The following PLGRKT variants were observed in gnomAD, a reference collection of about 807,000 sequenced individuals.
The protein encoded by PLGRKT is plasminogen receptor with a C-terminal lysine.
Under a neutral mutation model 18.5 loss-of-function variants are expected in PLGRKT, and 22 were observed. The ratio of observed to expected loss-of-function variants is 1.19; its 90% CI spans 0.85 to 1.70. PLGRKT has a LOEUF of 1.70. Among genes scored for constraint, PLGRKT ranks in the 40% most tolerant of loss-of-function variants. The pLI is 0.00. For synonymous variants in PLGRKT, 72 were observed against 52.8 expected, an observed-to-expected ratio of 1.36 and a Z score of -1.58; for missense variants, 235 against 174.4, an observed-to-expected ratio of 1.35 and a Z score of -1.96.
At position 5,399,661 on chromosome 9, in the gene PLGRKT, G is replaced by A. The variant is rs528452609; in HGVS notation, c.81+32236C>T. Among the ~76,000 whole-genome samples, 3 of 151,798 alleles carry A rather than the reference G, an allele frequency of 2.0e-5. No individual in the cohort carries two copies. The East Asian group carries it at 5.8e-4, about 29-fold the overall frequency. On this transcript the variant is annotated intron_variant, in intron 3 of 5. Coordinates refer to ENST00000223864, the MANE Select transcript of PLGRKT (RefSeq NM_018465.4). ...TACTAATGTCTTTGAATATGCAAAT[G>A]TTTAAATACTAAAAATATAAGCAAA... is the stretch of plus-strand genomic sequence containing the variant.
intron 3 of PLGRKT, among the ~76,000 whole-genome samples, chr9:5,383,515 T>C (rs1817784723): frequency 6.6e-6 from 1 of 152,212 alleles, no homozygotes; most frequent in Non-Finnish European, 1.5e-5. Context: ...TTTATTTCTA[T>C]TATTATTACA....
chr9:5,371,764 T>G (rs1009938926), intron 3 of PLGRKT, among the ~76,000 whole-genome samples: 3 of 152,084 alleles, frequency 2.0e-5, no homozygotes, highest in Non-Finnish European at 4.4e-5. Flanking sequence ...GTCTATTGAG[T>G]AAAAACAATA....
chr9:5,406,717 C>G lies in PLGRKT; in HGVS notation c.81+25180G>C, dbSNP rs574511766. On this transcript the variant is annotated intron_variant, in intron 3 of 5. Coordinates refer to ENST00000223864, the MANE Select transcript of PLGRKT (RefSeq NM_018465.4). ...AGCAAACCACCATGGTACACGTTTG[C>G]CTATGTAACAAAATGCACATCCTAC... 2.0e-5 allele frequency among the ~76,000 whole-genome samples: 3 copies of G among 152,116 alleles called. No homozygotes were observed. The South Asian group carries it at 6.2e-4, about 32-fold the overall frequency.
chr9:5,424,691 T>TATATATATATAC (rs201541927), intron 3 of PLGRKT, among the ~76,000 whole-genome samples: 1 of 70,502 alleles, frequency 1.4e-5, no homozygotes, highest in African/African-American at 6.1e-5. Flanking sequence ...TATATATATA[T>TATATATATATAC]ACACACAGGG....
At chr9:5,422,165 G>C (rs1250617797) in intron 3 of PLGRKT, among the ~76,000 whole-genome samples, 2 of 152,182 alleles carry the variant, frequency 1.3e-5, no homozygotes, top group Non-Finnish European at 2.9e-5. Flanking sequence ...TGAAGTCACA[G>C]ATGTAGGCAA....
intron 3 of PLGRKT, among the ~76,000 whole-genome samples, chr9:5,367,229 A>G (rs1294870836): frequency 6.6e-6 from 1 of 151,926 alleles, no homozygotes; most frequent in African/African-American, 2.4e-5. Flanking sequence ...TCTTCACAGA[A>G]CTAGAAAAAA....
In PLGRKT at chr9:5,431,897, C is replaced by A. The variant is rs759958287; in HGVS notation, c.81G>T (p.Gln27His). Reference sequence around the variant, plus strand: ...ATAGCTTAATTATTTTAAAACATACCTGAAGTCGAGCATTCATAAGCATGA... The same window carrying A: ...ATAGCTTAATTATTTTAAAACATACATGAAGTCGAGCATTCATAAGCATGA... ...KEFMLMNARL[Q>H]LERQLIMQSE... is the part of the protein sequence containing the mutation. Residue 27 changes from glutamine to histidine, a missense_variant and splice_region_variant, in exon 3 of 6, where the codon CAG (glutamine) becomes CAT (histidine). Gln to His is a conservative substitution (Grantham distance 24, BLOSUM62 0). Transcript: ENST00000223864. 11 of 1,432,024 alleles carry A rather than the reference C, an allele frequency of 7.7e-6. No individual in the cohort carries two copies. The highest frequency in any genetic ancestry group is 1.1e-5 in the Non-Finnish European group (11 of 1,016,558). The allele number at this position is 1,432,024 out of a possible 1,614,324, so 88.7% of individuals were successfully genotyped here. A position where few individuals can be genotyped will look rare whatever the true frequency, so the allele number is the denominator to read the frequency against.
intron 3 of PLGRKT, among the ~76,000 whole-genome samples, chr9:5,400,275 C>G (rs1468365486): frequency 6.6e-6 from 1 of 151,790 alleles, no homozygotes; most frequent in Non-Finnish European, 1.5e-5. Context: ...ACTCAAAGGT[C>G]TTCATATTCA....
intron 3 of PLGRKT, among the ~76,000 whole-genome samples, chr9:5,396,388 T>C (rs572961972): frequency 1.3e-5 from 2 of 151,406 alleles, no homozygotes; most frequent in African/African-American, 4.9e-5. Context: ...CAGGTTCAAG[T>C]GATTCTCCTG....
At chr9:5,374,897 T>A (rs1817598827) in intron 3 of PLGRKT, among the ~76,000 whole-genome samples, 1 of 152,204 alleles carries the variant, frequency 6.6e-6, no homozygotes. Context: ...AGTCATTATT[T>A]TTACATGCTA....
chr9:5,424,665 AT>A lies in PLGRKT; in HGVS notation c.81+7231del, dbSNP rs1387074701. Among the ~76,000 whole-genome samples the A allele has an allele frequency of 2.3e-3, 244 of 106,724 alleles. 7 individuals carry two copies. The highest frequency in any genetic ancestry group is 0.01 in the African/African-American group (233 of 22,580). The allele number at this position is 106,724 out of a possible 152,430, so 70.0% of individuals were successfully genotyped here. ...TACATTATATATAATATAATTATAT[AT>A]TTTATATATATATATATATATATAT... On this transcript the variant is annotated intron_variant, in intron 3 of 5. Coordinates refer to ENST00000223864, the MANE Select transcript of PLGRKT (RefSeq NM_018465.4).
At chr9:5,381,491 G>C (rs1281121950) in intron 3 of PLGRKT, among the ~76,000 whole-genome samples, 4 of 152,264 alleles carry the variant, frequency 2.6e-5, no homozygotes, top group South Asian at 2.1e-4. Flanking sequence ...CAAGAACTGA[G>C]CTTTGGGAAC....
intron 3 of PLGRKT, among the ~76,000 whole-genome samples, chr9:5,420,538 G>A (rs769065676): frequency 1.3e-5 from 2 of 152,104 alleles, no homozygotes; most frequent in Non-Finnish European, 2.9e-5. Context: ...AGCTAAATAC[G>A]GTGTGGATCC....
At chr9:5,369,955 G>C (rs998013251) in intron 3 of PLGRKT, among the ~76,000 whole-genome samples, 3 of 152,122 alleles carry the variant, frequency 2.0e-5, no homozygotes, top group South Asian at 2.1e-4. Context: ...GGGGGACTAG[G>C]GGAGGGATAG....
intron 3 of PLGRKT, among the ~76,000 whole-genome samples, chr9:5,370,110 TA>T (rs1817485050): frequency 6.6e-6 from 1 of 151,882 alleles, no homozygotes; most frequent in African/African-American, 2.4e-5. Context: ...AAAATAAAAA[TA>T]AAAAACATAA....
At chr9:5,392,807 G>C (rs1434284615) in intron 3 of PLGRKT, among the ~76,000 whole-genome samples, 3 of 151,352 alleles carry the variant, frequency 2.0e-5, no homozygotes, top group Non-Finnish European at 4.4e-5. Context: ...TAAATTTCCG[G>C]ATTGATTTTT....
intron 3 of PLGRKT, chr9:5,381,952 G>A (rs1217317465): frequency 3.0e-6 from 3 of 984,928 alleles, no homozygotes; most frequent in Non-Finnish European, 3.6e-6. Flanking sequence ...CTCCATGCCT[G>A]AGCCAGCTCT....
chr9:5,364,626 A>G (rs1012469352), intron 3 of PLGRKT, among the ~76,000 whole-genome samples: 3 of 152,236 alleles, frequency 2.0e-5, no homozygotes, highest in Non-Finnish European at 4.4e-5. Flanking sequence ...GAACTGATCT[A>G]TCTTTGGAAA....
At chr9:5,376,810 C>T (rs1166402553) in intron 3 of PLGRKT, among the ~76,000 whole-genome samples, 1 of 152,086 alleles carries the variant, frequency 6.6e-6, no homozygotes, top group African/African-American at 2.4e-5. Context: ...TCCAATATGC[C>T]TAACTATGTA....
Sources: gnomAD v4.1 joint callset for allele counts (sites outside exome capture counted in the v4.1 genomes callset) on GRCh38, gnomAD v4.1.1 for gene constraint, MANE v1.5 for transcripts, NCBI Gene and HGNC (gene_info 2026-07-23, HGNC 2026-07-21) for gene names.